NFYA: variants seen among roughly 807,000 people sequenced by gnomAD.
NFYA encodes the protein CAAT-box DNA binding protein subunit A.
NFYA carries 28 observed loss-of-function variants against 52.8 expected under a neutral mutation model. The ratio of observed to expected loss-of-function variants is 0.53; its 90% CI spans 0.39 to 0.73. The LOEUF (loss-of-function observed/expected upper bound fraction) is 0.73. NFYA is among the 30% of genes least tolerant of loss of function. NFYA has a pLI of 0.00. For synonymous variants in NFYA, 150 were observed against 150.7 expected, an observed-to-expected ratio of 1.00 and a Z score of 0.03; for missense variants, 234 against 427.0, an observed-to-expected ratio of 0.55 and a Z score of 3.98.
At chr6:41,090,344 G>T (rs1019173270) in intron 6 of NFYA, 35 bp downstream of exon 6, 1 of 1,480,480 alleles carries the variant, frequency 6.8e-7, no homozygotes, top group Non-Finnish European at 9.4e-7. Context: ...AGGACTTTTT[G>T]GGGCAACTTT....
In NFYA at chr6:41,101,008, C is replaced by T. The variant is rs1030801781; in HGVS notation, c.*3598C>T. ...CGCGGCTGGGCCCTGTTTCCGGTACCTAGGCGGGCAGCCATGGTGACCGGC... is the reference window on the plus strand; with the variant it reads ...CGCGGCTGGGCCCTGTTTCCGGTACTTAGGCGGGCAGCCATGGTGACCGGC... On this transcript the variant is annotated 3_prime_UTR_variant, in exon 10 of 10. Transcript: ENST00000341376. 4 of 152,300 alleles carry T rather than the reference C, an allele frequency of 2.6e-5. No individual in the cohort carries two copies. The highest frequency in any genetic ancestry group is 7.2e-5 in the African/African-American group (3 of 41,468). 9.4% of individuals were successfully genotyped at this position (152,300 alleles called of 1,614,324 possible).
chr6:41,075,731 A>C, intron 1 of NFYA: 1 of 20,084 alleles, frequency 5.0e-5, no homozygotes. Flanking sequence ...TTCAAGTAGT[A>C]CCTTTTTTTT....
In NFYA at chr6:41,090,313, A is replaced by G. The variant is rs1436141778; in HGVS notation, c.547+4A>G. On this transcript the variant is annotated splice_donor_region_variant and intron_variant, in intron 6 of 9. Coordinates refer to ENST00000341376, the MANE Select transcript of NFYA (RefSeq NM_002505.5). Reference sequence around the variant, plus strand: ...GATGGCACCATTCTCCAGCAAGGTAAGTGTACCCATAAGCTTCCCTAGGAC... The same window carrying G: ...GATGGCACCATTCTCCAGCAAGGTAGGTGTACCCATAAGCTTCCCTAGGAC... The G allele has an allele frequency of 1.1e-5, 17 of 1,607,686 alleles. No homozygotes were observed. The highest frequency in any genetic ancestry group is 1.4e-5 in the Non-Finnish European group (17 of 1,174,560).
chr6:41,088,444 A>AATTTATTTT (rs1764107933), intron 4 of NFYA, among the ~76,000 whole-genome samples: 1 of 151,248 alleles, frequency 6.6e-6, no homozygotes, highest in East Asian at 1.9e-4. Context: ...AAAAAAAAAA[A>AATTTATTTT]ATTTATTTTA....
At chr6:41,094,327 T>C in intron 8 of NFYA, 69 bp from the exon 9 acceptor site, 2 of 1,314,312 alleles carry the variant, frequency 1.5e-6, no homozygotes, top group Non-Finnish European at 1.1e-6. Flanking sequence ...AGAATGGAAT[T>C]TGTGCACTAG....
intron 4 of NFYA, among the ~76,000 whole-genome samples, chr6:41,087,249 T>C (rs1452902347): frequency 6.6e-6 from 1 of 152,236 alleles, no homozygotes; most frequent in African/African-American, 2.4e-5. Context: ...AATTATGAGC[T>C]GAGTATTTGG....
In NFYA at chr6:41,097,403, T is replaced by G; in HGVS notation, c.1037T>G (p.Val346Gly). The change falls in exon 10 of 10, where the codon GTG becomes GGG. Residue 346 changes from valine to glycine, a missense_variant. Physicochemically the swap from Val to Gly is moderately radical, Grantham distance 109 (BLOSUM62 -3). Around this residue, in one of 3 missense-constraint regions of NFYA, gnomAD observed 35 missense variants for 34.2 expected, o/e 1.02. Coordinates refer to ENST00000341376, the MANE Select transcript of NFYA (RefSeq NM_002505.5). Reference sequence around the variant, plus strand: ...GAAGCAATGACACAGATCATCCGAGTGTCCTAACCCCACGCCATGTGATGG... The same window carrying G: ...GAAGCAATGACACAGATCATCCGAGGGTCCTAACCCCACGCCATGTGATGG... ...DEEAMTQIIR[V>G]S 1 of 1,613,966 alleles carries G rather than the reference T, an allele frequency of 6.2e-7. No homozygotes were observed. Among genetic ancestry groups the G allele is most frequent in the Non-Finnish European group, 8.5e-7 (1 of 1,179,898 alleles).
Position 41,101,861 on chromosome 6 carries a change from A to AAACTACT in NFYA, c.*4451_*4452insAACTACT, listed in dbSNP as rs928544063. The AAACTACT allele has an allele frequency of 4.3e-4, 65 of 152,328 alleles. No homozygotes were observed. Among genetic ancestry groups the AAACTACT allele is most frequent in the African/African-American group, 1.5e-3 (64 of 41,572 alleles). 9.4% of individuals were successfully genotyped at this position (152,328 alleles called of 1,614,324 possible). A position where few individuals can be genotyped will look rare whatever the true frequency, so the allele number is the denominator to read the frequency against. On this transcript the variant is annotated 3_prime_UTR_variant, in exon 10 of 10. Coordinates refer to ENST00000341376, the MANE Select transcript of NFYA (RefSeq NM_002505.5). The stretch of plus-strand genomic sequence containing the variant: ...AGCAGCAACCAACCTGGCCCTTAGT[A>AAACTACT]GTTTCTAAGTTACACCATGTTAATG...
intron 4 of NFYA, among the ~76,000 whole-genome samples, 184 bp downstream of exon 4, chr6:41,084,376 G>A (rs1039629044): frequency 5.9e-5 from 9 of 152,172 alleles, no homozygotes; most frequent in Non-Finnish European, 1.3e-4. Context: ...AAATTGGACA[G>A]CTCCAGTAAT....
intron 1 of NFYA, 44 bp from the exon 2 acceptor site, chr6:41,078,985 T>C (rs1763831851): frequency 2.1e-6 from 2 of 939,244 alleles, no homozygotes; most frequent in South Asian, 1.5e-5. Flanking sequence ...GTAAGGCCTT[T>C]ATTGACAATC....
At position 41,097,644 on chromosome 6, in the gene NFYA, A is replaced by G. The variant is rs1040682625; in HGVS notation, c.*234A>G. ...GGACCTATTTCAGACTGTTGATGAC[A>G]TTGACATTTCATGGATTCGGATGAT... On this transcript the variant is annotated 3_prime_UTR_variant, in exon 10 of 10. Coordinates refer to ENST00000341376, the MANE Select transcript of NFYA (RefSeq NM_002505.5). The G allele has an allele frequency of 2.1e-6, 1 of 472,258 alleles. No homozygotes were observed. Among genetic ancestry groups the G allele is most frequent in the Non-Finnish European group, 3.8e-6 (1 of 261,356 alleles). The allele number at this position is 472,258 out of a possible 1,614,324, so 29.3% of individuals were successfully genotyped here.
In NFYA at chr6:41,091,810, G is replaced by A. The variant is rs532014716; in HGVS notation, c.714+116G>A. The A allele has an allele frequency of 4.1e-5, 46 of 1,117,958 alleles. 1 individual carries two copies. The African/African-American group carries it at 5.2e-4, about 13-fold the overall frequency. The allele number at this position is 1,117,958 out of a possible 1,614,324, so 69.3% of individuals were successfully genotyped here. A position where few individuals can be genotyped will look rare whatever the true frequency, so the allele number is the denominator to read the frequency against. On this transcript the variant is annotated intron_variant, in intron 7 of 9. Coordinates refer to ENST00000341376, the MANE Select transcript of NFYA (RefSeq NM_002505.5). The stretch of plus-strand genomic sequence containing the variant: ...GATTGAGATCGATCCTTAAGGCACT[G>A]TCGGTAATCTACTTTGACAATAACA...
intron 6 of NFYA, among the ~76,000 whole-genome samples, chr6:41,090,805 A>G (rs1394213336): frequency 2.0e-5 from 3 of 152,254 alleles, no homozygotes; most frequent in Non-Finnish European, 4.4e-5. Context: ...TGTTCTAGGA[A>G]TAGATAACAT....
In NFYA at chr6:41,100,623, T is replaced by G. The variant is rs1296428201; in HGVS notation, c.*3213T>G. On this transcript the variant is annotated 3_prime_UTR_variant, in exon 10 of 10. Transcript: ENST00000341376. Reference sequence around the variant, plus strand: ...TTGATAGCTTTAGTCAAACTGTGCTTGAGTTTGGCTTAGATTTATGCCAGT... The same window carrying G: ...TTGATAGCTTTAGTCAAACTGTGCTGGAGTTTGGCTTAGATTTATGCCAGT... Among the ~76,000 whole-genome samples, 2 of 152,234 alleles carry G rather than the reference T, an allele frequency of 1.3e-5. No individual in the cohort carries two copies. The highest frequency in any genetic ancestry group is 4.8e-5 in the African/African-American group (2 of 41,452).
chr6:41,085,424 T>C (rs541473834), intron 4 of NFYA, among the ~76,000 whole-genome samples: 4 of 152,364 alleles, frequency 2.6e-5, no homozygotes, highest in South Asian at 2.1e-4. Flanking sequence ...TGGGTTAATA[T>C]TGAAATATTT....
intron 9 of NFYA, among the ~76,000 whole-genome samples, chr6:41,096,475 C>T (rs1260924234): frequency 6.6e-6 from 1 of 152,202 alleles, no homozygotes; most frequent in Non-Finnish European, 1.5e-5. Flanking sequence ...ACTGTTGATA[C>T]TTCACAGCAA....
At chr6:41,077,940 T>G (rs1763785923) in intron 1 of NFYA, among the ~76,000 whole-genome samples, 1 of 152,214 alleles carries the variant, frequency 6.6e-6, no homozygotes. Context: ...ATTTTTATTT[T>G]GATTAAATTT....
chr6:41,076,271 A>G (rs1763731750), intron 1 of NFYA, among the ~76,000 whole-genome samples: 2 of 152,220 alleles, frequency 1.3e-5, no homozygotes, highest in African/African-American at 4.8e-5. Context: ...AGAAAATACC[A>G]AAGTGCATCT....
At chr6:41,075,492 C>T (rs955697381) in intron 1 of NFYA, 2 of 151,802 alleles carry the variant, frequency 1.3e-5, no homozygotes, top group East Asian at 3.8e-4. Flanking sequence ...AAGCTTCCAC[C>T]AGTCTGCAGA....
Sources: gnomAD v4.1 joint callset for allele counts (sites outside exome capture counted in the v4.1 genomes callset) on GRCh38, gnomAD v4.1.1 for gene constraint, gnomAD v4.1.1 regional missense constraint, MANE v1.5 for transcripts, NCBI Gene and HGNC (gene_info 2026-07-23, HGNC 2026-07-21) for gene names.